MED13: variants seen among roughly 807,000 people sequenced by gnomAD.
MED13 encodes mediator of RNA polymerase II transcription subunit 13.
A neutral mutation model predicts 225.2 loss-of-function variants in MED13; 23 were observed. The observed-to-expected ratio is 0.10, with a 90% CI of 0.07 to 0.14. The LOEUF is 0.14. MED13 is among the 10% of genes least tolerant of loss of function. The pLI is 1.00. For missense variants in MED13, 2,197 were observed against 2,594.5 expected, an observed-to-expected ratio of 0.85 and a Z score of 3.33; for synonymous variants, 942 against 889.2, an observed-to-expected ratio of 1.06 and a Z score of -1.06.
At chr17:62,016,179 A>T (rs1468099659) in intron 8 of MED13, among the ~76,000 whole-genome samples, 2 of 138,684 alleles carry the variant, frequency 1.4e-5, no homozygotes, top group African/African-American at 5.6e-5. Context: ...GAACAACAAC[A>T]AAAAAAAAAA....
At chr17:62,020,320 T>A in intron 8 of MED13, among the ~76,000 whole-genome samples, 1 of 151,426 alleles carries the variant, frequency 6.6e-6, no homozygotes, top group Non-Finnish European at 1.5e-5. Context: ...GCTCCTTTAA[T>A]TTTTTACATA....
chr17:62,011,289 T>A, intron 8 of MED13, 56 bp from the exon 9 acceptor site: 1 of 1,417,984 alleles, frequency 7.1e-7, no homozygotes, highest in Non-Finnish European at 9.6e-7. Context: ...TGGCGAAGTA[T>A]AATACCAGTT....
intron 9 of MED13, among the ~76,000 whole-genome samples, chr17:62,008,489 T>C (rs976078547): frequency 2.0e-5 from 3 of 152,004 alleles, no homozygotes; most frequent in Non-Finnish European, 4.4e-5. Flanking sequence ...TGAGCAAGAA[T>C]GAAACTCATT....
At chr17:62,006,335 G>A (rs972309237) in intron 9 of MED13, 3 of 148,504 alleles carry the variant, frequency 2.0e-5, no homozygotes, top group Non-Finnish European at 3.0e-5. Flanking sequence ...GGAAGGAGAA[G>A]AAAAACAAAA....
At chr17:62,061,425 G>A (rs569195963) in intron 2 of MED13, among the ~76,000 whole-genome samples, 12 of 152,178 alleles carry the variant, frequency 7.9e-5, no homozygotes, top group African/African-American at 2.9e-4. Context: ...ATTCTACAAA[G>A]TGTATTTCAT....
intron 8 of MED13, among the ~76,000 whole-genome samples, chr17:62,016,601 T>G (rs529367603): frequency 6.6e-6 from 1 of 152,184 alleles, no homozygotes; most frequent in South Asian, 2.1e-4. Context: ...GTGCTATAGA[T>G]GTAAAATACC....
Position 62,035,488 on chromosome 17 carries a change from A to G in MED13, c.591T>C (p.Ala197=), listed in dbSNP as rs761227009. 2 of 1,612,720 alleles carry G rather than the reference A, an allele frequency of 1.2e-6. No homozygotes were observed. The highest frequency in any genetic ancestry group is 8.5e-7 in the Non-Finnish European group (1 of 1,179,158). Residue 197 remains alanine, a synonymous_variant, in exon 4 of 30, where the codon GCT becomes GCC. Transcript: ENST00000397786. ...YLLSEEHITL[A]QQSNSPFQVI... is the part of the protein sequence containing the mutation. ...CTTGAAATGGGCTATTAGACTGTTG[A>G]GCAAGGGTGATATGCTCTTCACTGA...
intron 12 of MED13, 74 bp from the exon 13 acceptor site, chr17:61,985,164 T>C (rs528767560): frequency 8.0e-7 from 1 of 1,253,778 alleles, no homozygotes; most frequent in African/African-American, 1.5e-5. Context: ...CATTCAGATA[T>C]AACTTAACAG....
chr17:61,957,718 G>A (rs2079959915), intron 23 of MED13, among the ~76,000 whole-genome samples: 2 of 152,134 alleles, frequency 1.3e-5, no homozygotes, highest in Admixed American at 1.3e-4. Context: ...GCTGCAGTAA[G>A]CAATCCCTGT....
chr17:62,054,045 G>A (rs1179038974), intron 2 of MED13, among the ~76,000 whole-genome samples: 2 of 151,896 alleles, frequency 1.3e-5, no homozygotes, highest in Non-Finnish European at 1.5e-5. Flanking sequence ...AGTTACTCAC[G>A]CCTGTAATCC....
intron 27 of MED13, 82 bp downstream of exon 27, chr17:61,952,883 C>T: frequency 1.4e-6 from 2 of 1,474,690 alleles, no homozygotes; most frequent in Non-Finnish European, 1.8e-6. Flanking sequence ...GATCCACCTG[C>T]TTCGCCCTCC....
At chr17:62,042,407 T>A (rs2080860110) in intron 3 of MED13, among the ~76,000 whole-genome samples, 1 of 151,552 alleles carries the variant, frequency 6.6e-6, no homozygotes, top group Admixed American at 6.6e-5. Flanking sequence ...ACTAAAAACA[T>A]AAAAATTAGC....
chr17:62,008,468 G>GT lies in MED13; in HGVS notation c.1967+2081dup, dbSNP rs952331424. ...TTAAAAGCCTCACAGAAGAGATCGCGTTTTTTTAAATGAGCAAGAATGAAA... is the reference window on the plus strand; with the variant it reads ...TTAAAAGCCTCACAGAAGAGATCGCGTTTTTTTTAAATGAGCAAGAATGAAA... On this transcript the variant is annotated intron_variant, in intron 9 of 29. Coordinates refer to ENST00000397786, the MANE Select transcript of MED13 (RefSeq NM_005121.3). 1.4e-4 allele frequency among the ~76,000 whole-genome samples: 22 copies of GT among 151,960 alleles called. No homozygotes were observed. In the East Asian group the frequency reaches 2.7e-3, roughly 19 times the overall value.
chr17:61,953,935 G>A (rs7213986), intron 26 of MED13, among the ~76,000 whole-genome samples: 5 of 152,032 alleles, frequency 3.3e-5, no homozygotes, highest in African/African-American at 4.8e-5. Flanking sequence ...TTTCCTTTAC[G>A]TACACACCTA....
intron 16 of MED13, among the ~76,000 whole-genome samples, chr17:61,974,817 A>G (rs2080139751): frequency 6.6e-6 from 1 of 152,210 alleles, no homozygotes; most frequent in Admixed American, 6.6e-5. Context: ...CTAAAACTAC[A>G]AAGTTATTTC....
intron 28 of MED13, among the ~76,000 whole-genome samples, chr17:61,949,749 G>A (rs1202468538): frequency 1.3e-5 from 2 of 151,880 alleles, no homozygotes. Flanking sequence ...GTGCAGTGGC[G>A]CGATCTCGGC....
At chr17:61,980,057 C>T (rs1358438181) in intron 16 of MED13, among the ~76,000 whole-genome samples, 1 of 152,034 alleles carries the variant, frequency 6.6e-6, no homozygotes, top group Non-Finnish European at 1.5e-5. Context: ...GGTGTGGTGG[C>T]GTGCACCTGT....
intron 8 of MED13, among the ~76,000 whole-genome samples, chr17:62,020,944 C>A (rs2080636912): frequency 6.6e-6 from 1 of 151,060 alleles, no homozygotes; most frequent in African/African-American, 2.4e-5. Context: ...TCTTGCACTG[C>A]CCTTAATCCA....
chr17:61,961,519 C>CAAAAAA (rs56723756), intron 22 of MED13, 69 bp downstream of exon 22: 7 of 733,364 alleles, frequency 9.5e-6, no homozygotes, highest in Non-Finnish European at 1.2e-5. Flanking sequence ...GGCTCCATCT[C>CAAAAAA]AAAAAAAAAA....
Sources: allele counts gnomAD v4.1 joint callset (sites outside exome capture counted in the v4.1 genomes callset), GRCh38; gene constraint gnomAD v4.1.1; transcripts MANE v1.5; gene names NCBI Gene and HGNC (gene_info 2026-07-23, HGNC 2026-07-21).